Variants in ABCC6 observed in about 807,000 individuals in gnomAD.
The protein encoded by ABCC6 is ATP-binding cassette sub-family C member 6.
Under a neutral mutation model 169.5 loss-of-function variants are expected in ABCC6, and 126 were observed. That is an observed-to-expected ratio of 0.74 (90% CI 0.64 to 0.86). The LOEUF is 0.86. Among genes scored for constraint, ABCC6 ranks in the 40% least tolerant of loss-of-function variants. The pLI is 0.00. For synonymous variants in ABCC6, 752 were observed against 814.7 expected (o/e 0.92, Z 1.31); for missense variants, 1,733 against 1,927.2 (o/e 0.90, Z 1.89).
At chr16:16,171,962 GGGTGGGTGGGATGGATAAATAAGTGGA>G (rs2047096989) in intron 21 of ABCC6, among the ~76,000 whole-genome samples, 1 of 123,906 alleles carries the variant, frequency 8.1e-6, no homozygotes, top group East Asian at 3.4e-4. Flanking sequence ...ATGAGTGGTT[GGGTGGGTGGGATGGATAAATAAGTGGA>G]TGGGATGGAT....
In ABCC6 at chr16:16,203,529, C is replaced by G. The variant is rs375066891; in HGVS notation, c.879G>C (p.Gly293=). Residue 293 remains glycine, a synonymous_variant, in exon 8 of 31, where the codon GGG becomes GGC. Transcript: ENST00000205557. ...PETEPFLRQE[G]SQWRPLLKAI... ...CCTTCAGCAGTGGGCGCCACTGGCT[C>G]CCTTCTTGCCGTAGGAAGGGCTCGG... The G allele has an allele frequency of 4.3e-6, 7 of 1,613,984 alleles. No individual in the cohort carries two copies. Among genetic ancestry groups the G allele is most frequent in the Non-Finnish European group, 5.9e-6 (7 of 1,179,868 alleles).
At chr16:16,200,119 G>C (rs1337127884) in intron 9 of ABCC6, among the ~76,000 whole-genome samples, 1 of 151,400 alleles carries the variant, frequency 6.6e-6, no homozygotes, top group African/African-American at 2.4e-5. Flanking sequence ...TTTAATGGCA[G>C]TTATGATGAG....
chr16:16,154,918 G>A lies in ABCC6; in HGVS notation c.3996C>T (p.His1332=), dbSNP rs60320257. 25 of 1,608,750 alleles carry A rather than the reference G, an allele frequency of 1.6e-5. No homozygotes were observed. Among genetic ancestry groups the A allele is most frequent in the African/African-American group, 5.4e-5 (4 of 74,756 alleles). The part of the protein sequence containing the change: ...GIWIDGVPIA[H]VGLHTLRSRI... ...TGGAGCGCAGTGTGTGCAGCCCCACGTGGGCAATGGGGACCCCGTCGATCC... is the reference window on the plus strand; with the variant it reads ...TGGAGCGCAGTGTGTGCAGCCCCACATGGGCAATGGGGACCCCGTCGATCC... The change falls in exon 28 of 31, where the codon CAC becomes CAT. Residue 1332 remains histidine, a synonymous_variant. Coordinates refer to ENST00000205557, the MANE Select transcript of ABCC6 (RefSeq NM_001171.6).
intron 15 of ABCC6, among the ~76,000 whole-genome samples, chr16:16,183,423 C>T (rs1189264707): frequency 6.6e-6 from 1 of 152,168 alleles, no homozygotes; most frequent in African/African-American, 2.4e-5. Flanking sequence ...CCACGTCCCA[C>T]AGCCCATCCT....
At chr16:16,160,361 T>C (rs1232792119) in intron 25 of ABCC6, among the ~76,000 whole-genome samples, 1 of 152,136 alleles carries the variant, frequency 6.6e-6, no homozygotes, top group African/African-American at 2.4e-5. Flanking sequence ...AAAATTCTTG[T>C]GCACAGTGGC....
At chr16:16,176,972 T>C (rs1027729672) in intron 19 of ABCC6, among the ~76,000 whole-genome samples, 2 of 152,214 alleles carry the variant, frequency 1.3e-5, no homozygotes, top group African/African-American at 4.8e-5. Context: ...AACCTTGCCA[T>C]GTATCCAGCA....
At chr16:16,153,331 A>C (rs1220238938) in intron 29 of ABCC6, among the ~76,000 whole-genome samples, 2 of 152,220 alleles carry the variant, frequency 1.3e-5, no homozygotes, top group Admixed American at 6.5e-5. Context: ...AATGTGGTCT[A>C]TCCATGTAGT....
intron 22 of ABCC6, 152 bp from the exon 23 acceptor site, chr16:16,166,085 C>G (rs1192067149): frequency 1.3e-6 from 1 of 774,902 alleles, no homozygotes; most frequent in Non-Finnish European, 2.1e-6. Flanking sequence ...GGGTCTCACT[C>G]TGTCACCCAT....
intron 23 of ABCC6, among the ~76,000 whole-genome samples, chr16:16,164,124 C>T (rs905841978): frequency 2.0e-5 from 3 of 152,090 alleles, no homozygotes; most frequent in African/African-American, 4.8e-5. Context: ...ACCTCTGCCT[C>T]CCGGGCTCAA....
intron 19 of ABCC6, 63 bp downstream of exon 19, chr16:16,177,389 G>C: frequency 1.9e-6 from 3 of 1,596,808 alleles, no homozygotes; most frequent in Non-Finnish European, 2.6e-6. Flanking sequence ...AGGACCCTTC[G>C]AGCCTTTTCC....
chr16:16,159,630 G>T (rs367588947), intron 25 of ABCC6, 47 bp from the exon 26 acceptor site: 2 of 1,580,950 alleles, frequency 1.3e-6, no homozygotes, highest in Non-Finnish European at 1.7e-6. Context: ...GGCCACTTGA[G>T]GGCTTGCAAC....
Position 16,178,911 on chromosome 16 carries a change from A to T in ABCC6, c.2302T>A (p.Tyr768Asn), listed in dbSNP as rs1223796455. 1.2e-6 allele frequency: 2 copies of T among 1,613,538 alleles called. No individual in the cohort carries two copies. Among genetic ancestry groups the T allele is most frequent in the Non-Finnish European group, 1.7e-6 (2 of 1,180,020 alleles). The change falls in exon 18 of 31, where the codon TAC becomes AAC. Residue 768 changes from tyrosine to asparagine, a missense_variant. Transcript: ENST00000205557. ...AGCAGGTACACAGCTGCCTTTCTGTATACAGCCCGGGCCAGGCTCAGCCGC... is the reference window on the plus strand; with the variant it reads ...AGCAGGTACACAGCTGCCTTTCTGTTTACAGCCCGGGCCAGGCTCAGCCGC... Reference protein sequence around the residue: ...KQRLSLARAVYRKAAVYLLDD... With the variant: ...KQRLSLARAVNRKAAVYLLDD...
In ABCC6 at chr16:16,187,176, G is replaced by A. The variant is rs61318127; in HGVS notation, c.1815C>T (p.Leu605=). Residue 605 remains leucine, a synonymous_variant, in exon 14 of 31, where the codon CTC becomes CTT. Coordinates refer to ENST00000205557, the MANE Select transcript of ABCC6 (RefSeq NM_001171.6). ...CACCAGGGTCAACTTCTTCCAGGCA[G>A]AGGAAGGTGACCAGACGGTCAAAGG... ...RVSFDRLVTF[L]CLEEVDPGVV... is the part of the protein sequence containing the mutation. The A allele has an allele frequency of 1.2e-3, 1,974 of 1,613,800 alleles. 15 individuals are homozygous for A. In the African/African-American group the frequency reaches 0.024, roughly 19 times the overall value.
In ABCC6 at chr16:16,195,303, ATT is replaced by A. The variant is rs61393724; in HGVS notation, c.1339-2383_1339-2382del. ...ATGGATATCTTGTTGGTCTCATCTA[ATT>A]TTTTTTTTTTTTTTTTTTTTTTTTT... On this transcript the variant is annotated intron_variant, in intron 10 of 30. Transcript: ENST00000205557. 9.6e-3 allele frequency among the ~76,000 whole-genome samples: 930 copies of A among 96,524 alleles called. 4 individuals carry two copies. Among genetic ancestry groups the A allele is most frequent in the East Asian group, 0.022 (69 of 3,164 alleles). The allele number at this position is 96,524 out of a possible 152,430, so 63.3% of individuals were successfully genotyped here. A position where few individuals can be genotyped will look rare whatever the true frequency, so the allele number is the denominator to read the frequency against.
intron 29 of ABCC6, among the ~76,000 whole-genome samples, chr16:16,153,236 C>T (rs1430167681): frequency 1.3e-5 from 2 of 152,128 alleles, no homozygotes; most frequent in Admixed American, 6.5e-5. Flanking sequence ...TATACCTATA[C>T]ACCTATGTTC....
At chr16:16,172,115 GATGGATAAATGAATGGA>G (rs1213758241) in intron 21 of ABCC6, among the ~76,000 whole-genome samples, 2 of 139,198 alleles carry the variant, frequency 1.4e-5, no homozygotes, top group Non-Finnish European at 3.1e-5. Flanking sequence ...GAGTGGGTGG[GATGGATAAATGAATGGA>G]TGGGATGCAT....
Position 16,196,155 on chromosome 16 carries a change from A to G in ABCC6, c.1338+1866T>C, listed in dbSNP as rs139162119. 5.3e-4 allele frequency among the ~76,000 whole-genome samples: 80 copies of G among 150,224 alleles called. 4 individuals are homozygous for G. The East Asian group carries it at 0.014, about 26-fold the overall frequency. ...AACCTGGGAGGTGGAGGTTGCAGTG[A>G]GCCGAAGTTGTGCCATTGCACCAAA... On this transcript the variant is annotated intron_variant, in intron 10 of 30. Coordinates refer to ENST00000205557, the MANE Select transcript of ABCC6 (RefSeq NM_001171.6).
At position 16,189,806 on chromosome 16, in the gene ABCC6, C is replaced by T. The variant is rs577007273; in HGVS notation, c.1635+358G>A. Among the ~76,000 whole-genome samples, 19 of 152,272 alleles carry T rather than the reference C, an allele frequency of 1.2e-4. No homozygotes were observed. In the South Asian group the frequency reaches 1.7e-3, roughly 13 times the overall value. ...TTACAGAATGGCAGGACAAGGATCA[C>T]GTCCAGTGACAGGGTGGCTATGGAC... On this transcript the variant is annotated intron_variant, in intron 12 of 30. Transcript: ENST00000205557.
intron 5 of ABCC6, among the ~76,000 whole-genome samples, chr16:16,212,738 G>T (rs2048682795): frequency 6.6e-6 from 1 of 151,998 alleles, no homozygotes; most frequent in Non-Finnish European, 1.5e-5. Context: ...GCCTGACAAT[G>T]TCCACAAGGT....
Sources: allele counts gnomAD v4.1 joint callset (sites outside exome capture counted in the v4.1 genomes callset), GRCh38; gene constraint gnomAD v4.1.1; transcripts MANE v1.5; gene names NCBI Gene and HGNC (gene_info 2026-07-23, HGNC 2026-07-21).